SPNS3: variants seen among roughly 807,000 people sequenced by gnomAD.
SPNS3 encodes SPNS lysolipid transporter 3, sphingosine-1-phosphate (putative).
A neutral mutation model predicts 54.4 loss-of-function variants in SPNS3; 51 were observed. That is an observed-to-expected ratio of 0.94 (90% CI 0.75 to 1.18). The LOEUF is 1.18. Ranked by LOEUF, SPNS3 falls within the 50% of genes most tolerant of loss-of-function variation. The pLI, the probability that SPNS3 is intolerant of heterozygous loss-of-function variation, is 0.00. For synonymous variants in SPNS3, 309 were observed against 294.7 expected, an observed-to-expected ratio of 1.05 and a Z score of -0.50; for missense variants, 669 against 677.4, an observed-to-expected ratio of 0.99 and a Z score of 0.14.
In SPNS3 at chr17:4,434,062, T is replaced by C; in HGVS notation, c.95T>C (p.Ile32Thr). The change falls in exon 1 of 12, where the codon ATC becomes ACC. Residue 32 changes from isoleucine (I) to threonine (T), a missense_variant. Coordinates refer to ENST00000355530, the MANE Select transcript of SPNS3 (RefSeq NM_182538.5). ...CCAGGCAGGCAGTGTCCCCCTCCCA[T>C]CACGCCCACCTCCTGGAGCCTGCCC... ...PGPGRQCPPPITPTSWSLPPW... is the reference protein window; with the variant it reads ...PGPGRQCPPPTTPTSWSLPPW... 6.2e-7 allele frequency: 1 copy of C among 1,610,994 alleles called. No individual in the cohort carries two copies. Among genetic ancestry groups the C allele is most frequent in the Non-Finnish European group, 8.5e-7 (1 of 1,178,760 alleles).
At chr17:4,437,528 G>A (rs995777444) in intron 1 of SPNS3, among the ~76,000 whole-genome samples, 1 of 151,722 alleles carries the variant, frequency 6.6e-6, no homozygotes, top group East Asian at 1.9e-4. Context: ...TTAGCCAGGC[G>A]TGATGGCGGG....
At chr17:4,485,730 C>A (rs530704355) in intron 9 of SPNS3, among the ~76,000 whole-genome samples, 3 of 152,174 alleles carry the variant, frequency 2.0e-5, no homozygotes, top group Non-Finnish European at 1.5e-5. Context: ...CAGCCTTGTC[C>A]GTGGAGTCGT....
intron 8 of SPNS3, among the ~76,000 whole-genome samples, chr17:4,459,704 C>T (rs910909430): frequency 1.2e-4 from 18 of 152,050 alleles, no homozygotes; most frequent in Admixed American, 1.0e-3. Context: ...CAGAGCGAGA[C>T]TCCATGTCTA....
At position 4,463,823 on chromosome 17, in the gene SPNS3, T is replaced by C. The variant is rs577006711; in HGVS notation, c.1113+10618T>C. 1.2e-4 allele frequency among the ~76,000 whole-genome samples: 19 copies of C among 152,092 alleles called. No individual in the cohort carries two copies. The South Asian group carries it at 3.9e-3, about 32-fold the overall frequency. ...AATGTATATTGTATGTACAAATATA[T>C]CTATTTTAATTTGTATGTATGTGCA... On this transcript the variant is annotated intron_variant, in intron 8 of 11. Transcript: ENST00000355530.
chr17:4,447,084 G>A, intron 5 of SPNS3, 122 bp downstream of exon 5: 1 of 996,522 alleles, frequency 1.0e-6, no homozygotes, highest in Non-Finnish European at 1.5e-6. Flanking sequence ...GGGGGGTGGT[G>A]GTCAGGCATC....
In SPNS3 at chr17:4,465,164, G is replaced by A. The variant is rs534574248; in HGVS notation, c.1113+11959G>A. On this transcript the variant is annotated intron_variant, in intron 8 of 11. Transcript: ENST00000355530. ...GAGGGGCTGGATCATCAAAGGGGTG[G>A]GGCCTGCCTGGCAGTCGATTCAGCT... Among the ~76,000 whole-genome samples the A allele has an allele frequency of 6.6e-5, 10 of 152,176 alleles. No homozygotes were observed. In the South Asian group the frequency reaches 2.1e-3, roughly 32 times the overall value.
chr17:4,479,220 C>T (rs1444819236), intron 9 of SPNS3, among the ~76,000 whole-genome samples: 1 of 152,232 alleles, frequency 6.6e-6, no homozygotes, highest in Non-Finnish European at 1.5e-5. Context: ...GGATTACAGG[C>T]GTGAGCCACC....
chr17:4,476,620 C>G (rs978680174), intron 8 of SPNS3, among the ~76,000 whole-genome samples: 1 of 152,114 alleles, frequency 6.6e-6, no homozygotes, highest in Non-Finnish European at 1.5e-5. Flanking sequence ...GCTGGCAGAC[C>G]CTGCTAGGCT....
chr17:4,461,555 A>C (rs1971507890), intron 8 of SPNS3, among the ~76,000 whole-genome samples: 1 of 151,846 alleles, frequency 6.6e-6, no homozygotes, highest in Non-Finnish European at 1.5e-5. Context: ...CCTGGGGGCA[A>C]GGGCAGAAGC....
intron 8 of SPNS3, among the ~76,000 whole-genome samples, chr17:4,468,721 T>TTTTCTTTCTTTCTTTCTTTC (rs779220181): frequency 0.12 from 14,703 of 121,258 alleles, 1,318 homozygotes; most frequent in East Asian, 0.21. Flanking sequence ...TCTCTCTTTC[T>TTTTCTTTCTTTCTTTCTTTC]TTTCTTTCTT....
At chr17:4,453,376 C>T (rs918964953) in intron 8 of SPNS3, among the ~76,000 whole-genome samples, 171 bp downstream of exon 8, 8 of 152,274 alleles carry the variant, frequency 5.3e-5, no homozygotes, top group East Asian at 1.9e-4. Context: ...TGGCTGGACG[C>T]GGTGGCTCAT....
intron 8 of SPNS3, among the ~76,000 whole-genome samples, chr17:4,453,814 C>T (rs933931476): frequency 3.9e-5 from 6 of 152,186 alleles, no homozygotes; most frequent in African/African-American, 1.2e-4. Context: ...CAATTCTCCC[C>T]AGGTTACAGA....
In SPNS3 at chr17:4,435,804, C is replaced by T. The variant is rs1017476560; in HGVS notation, c.199+1638C>T. On this transcript the variant is annotated intron_variant, in intron 1 of 11. Coordinates refer to ENST00000355530, the MANE Select transcript of SPNS3 (RefSeq NM_182538.5). The stretch of plus-strand genomic sequence containing the variant: ...ATCAGGGGCCAGGCGTGGTGGCTCA[C>T]GCCTGTAATCCCAGCTACTCGGGAG... 5.3e-5 allele frequency among the ~76,000 whole-genome samples: 8 copies of T among 152,054 alleles called. No homozygotes were observed. The South Asian group carries it at 1.4e-3, about 28-fold the overall frequency.
intron 8 of SPNS3, among the ~76,000 whole-genome samples, chr17:4,477,998 G>T (rs1159699598): frequency 2.6e-4 from 25 of 96,122 alleles, no homozygotes; most frequent in Non-Finnish European, 4.6e-4. Flanking sequence ...TTGAGGCGGA[G>T]TCTCACTCTG....
At chr17:4,455,917 T>TGGGGGGGGGGGG (rs10531598) in intron 8 of SPNS3, among the ~76,000 whole-genome samples, 2 of 150,740 alleles carry the variant, frequency 1.3e-5, no homozygotes, top group African/African-American at 4.9e-5. Context: ...CTGCCCTCTG[T>TGGGGGGGGGGGG]GGGGGGGGGG....
chr17:4,456,841 A>T (rs576454933), intron 8 of SPNS3, among the ~76,000 whole-genome samples: 114 of 152,122 alleles, frequency 7.5e-4, no homozygotes, highest in African/African-American at 2.7e-3. Flanking sequence ...CAGCCTCCTG[A>T]GTAGCTGGGA....
chr17:4,474,353 C>G (rs1257160531), intron 8 of SPNS3, among the ~76,000 whole-genome samples: 1 of 152,196 alleles, frequency 6.6e-6, no homozygotes, highest in Non-Finnish European at 1.5e-5. Context: ...TGGTCTGTGT[C>G]CTGGGGCCTG....
At chr17:4,447,320 G>T (rs1182516629) in intron 5 of SPNS3, among the ~76,000 whole-genome samples, 1 of 152,242 alleles carries the variant, frequency 6.6e-6, no homozygotes, top group Non-Finnish European at 1.5e-5. Flanking sequence ...CGCAGGGTCA[G>T]GGTGTAGAGT....
chr17:4,475,019 G>A lies in SPNS3; in HGVS notation c.1114-3553G>A, dbSNP rs1035559044. Among the ~76,000 whole-genome samples, 48 of 152,288 alleles carry A rather than the reference G, an allele frequency of 3.2e-4. 1 individual carries two copies. The highest frequency in any genetic ancestry group is 2.9e-3 in the Admixed American group (44 of 15,304). The stretch of plus-strand genomic sequence containing the variant: ...CACTTGTGAGAGGCCTCGGCTGTGC[G>A]TGTGTCTGGGCATGTTGGCGCGGCC... On this transcript the variant is annotated intron_variant, in intron 8 of 11. Transcript: ENST00000355530.
Sources: allele counts gnomAD v4.1 joint callset (sites outside exome capture counted in the v4.1 genomes callset), GRCh38; gene constraint gnomAD v4.1.1; transcripts MANE v1.5; gene names NCBI Gene and HGNC (gene_info 2026-07-23, HGNC 2026-07-21).